Variants in DLG2 observed in about 807,000 individuals in gnomAD.
The protein encoded by DLG2 is discs large MAGUK scaffold protein 2, also known as disks large homolog 2.
DLG2 carries 45 observed loss-of-function variants against 132.5 expected under a neutral mutation model. That is an observed-to-expected ratio of 0.34 (90% CI 0.27 to 0.44). The LOEUF (loss-of-function observed/expected upper bound fraction) is 0.44, where lower values mean the gene tolerates loss of function less well. Ranked by LOEUF, DLG2 falls within the 20% of genes least tolerant of loss-of-function variation. The pLI is 1.00. For synonymous variants in DLG2, 424 were observed against 419.6 expected (o/e 1.01, Z -0.13); for missense variants, 1,045 against 1,196.9 (o/e 0.87, Z 1.87).
At chr11:84,598,999 C>T (rs551875872) in intron 6 of DLG2, among the ~76,000 whole-genome samples, 1 of 152,110 alleles carries the variant, frequency 6.6e-6, no homozygotes, top group African/African-American at 2.4e-5. Flanking sequence ...AATTGCAGCA[C>T]TTTGGGAGGC....
intron 3 of DLG2, among the ~76,000 whole-genome samples, chr11:85,450,292 CA>C (rs762705154): frequency 3.3e-5 from 5 of 152,276 alleles, no homozygotes; most frequent in Non-Finnish European, 7.4e-5. Context: ...GACAGGGAGA[CA>C]TTTTTTTTCA....
At chr11:84,002,342 T>C (rs1296436964) in intron 11 of DLG2, among the ~76,000 whole-genome samples, 1 of 152,186 alleles carries the variant, frequency 6.6e-6, no homozygotes, top group Non-Finnish European at 1.5e-5. Flanking sequence ...CTCAACTAGG[T>C]AGTACCCCAG....
intron 8 of DLG2, among the ~76,000 whole-genome samples, chr11:84,195,789 C>T (rs570802836): frequency 2.0e-5 from 3 of 152,198 alleles, no homozygotes; most frequent in African/African-American, 4.8e-5. Context: ...TTATGATGCC[C>T]TCCACTTTTC....
At chr11:85,514,176 G>C (rs924177943) in intron 3 of DLG2, among the ~76,000 whole-genome samples, 2 of 151,946 alleles carry the variant, frequency 1.3e-5, no homozygotes, top group Non-Finnish European at 2.9e-5. Context: ...CACTGTGCCA[G>C]ATGCATTATA....
chr11:85,087,844 C>CAAAAAAAAA (rs71465019), intron 6 of DLG2, among the ~76,000 whole-genome samples: 12 of 22,050 alleles, frequency 5.4e-4, no homozygotes, highest in African/African-American at 1.2e-3. Context: ...GACTCCGTCT[C>CAAAAAAAAA]AAAAAAAAAA....
At chr11:84,758,633 A>G (rs1233192675) in intron 6 of DLG2, among the ~76,000 whole-genome samples, 1 of 152,184 alleles carries the variant, frequency 6.6e-6, no homozygotes, top group South Asian at 2.1e-4. Context: ...ATTTTAAATC[A>G]TACCATAAAT....
chr11:83,712,627 C>T (rs2085713537), intron 18 of DLG2, among the ~76,000 whole-genome samples: 1 of 151,762 alleles, frequency 6.6e-6, no homozygotes, highest in Non-Finnish European at 1.5e-5. Context: ...ATAAATCCAT[C>T]TCAAAAAAAA....
Position 85,598,763 on chromosome 11 carries a change from C to A in DLG2, c.-67G>T. On this transcript the variant is annotated 5_prime_UTR_variant, in exon 3 of 28. Transcript: ENST00000376104. ...TCCTTAATTTTTTGCAGTATTCTTCCAGTAATGATAAAGCTCGGTCAGTAT... is the reference window on the plus strand; with the variant it reads ...TCCTTAATTTTTTGCAGTATTCTTCAAGTAATGATAAAGCTCGGTCAGTAT... 7.5e-7 allele frequency: 1 copy of A among 1,337,820 alleles called. No individual in the cohort carries two copies. Among genetic ancestry groups the A allele is most frequent in the East Asian group, 2.6e-5 (1 of 38,968 alleles). The allele number at this position is 1,337,820 out of a possible 1,614,324, so 82.9% of individuals were successfully genotyped here.
chr11:85,254,067 T>C (rs1024216175), intron 4 of DLG2, among the ~76,000 whole-genome samples: 2 of 152,316 alleles, frequency 1.3e-5, no homozygotes, highest in Admixed American at 6.5e-5. Flanking sequence ...AAAACAGGGA[T>C]GTAAATTCTC....
intron 19 of DLG2, among the ~76,000 whole-genome samples, chr11:83,626,855 G>A (rs2062624206): frequency 6.6e-6 from 1 of 152,120 alleles, no homozygotes; most frequent in Non-Finnish European, 1.5e-5. Flanking sequence ...AAATGCTGAT[G>A]AGTTGACAGA....
At chr11:84,921,625 A>G (rs968896942) in intron 6 of DLG2, among the ~76,000 whole-genome samples, 2 of 152,206 alleles carry the variant, frequency 1.3e-5, no homozygotes, top group African/African-American at 4.8e-5. Flanking sequence ...AAATATAACA[A>G]TGAAATAGCA....
At chr11:85,089,310 G>C (rs538672728) in intron 6 of DLG2, among the ~76,000 whole-genome samples, 1 of 152,140 alleles carries the variant, frequency 6.6e-6, no homozygotes, top group Non-Finnish European at 1.5e-5. Context: ...GTAGACCCTA[G>C]TATTTATTGT....
intron 3 of DLG2, among the ~76,000 whole-genome samples, chr11:85,298,851 A>T (rs1236701388): frequency 6.6e-6 from 1 of 152,152 alleles, no homozygotes; most frequent in African/African-American, 2.4e-5. Flanking sequence ...AAATGGAACA[A>T]GTTGGTCACT....
intron 7 of DLG2, among the ~76,000 whole-genome samples, chr11:84,453,542 T>C (rs2099057323): frequency 6.6e-6 from 1 of 151,630 alleles, no homozygotes; most frequent in Non-Finnish European, 1.5e-5. Context: ...CAACAAGTAT[T>C]TCAGGTTTAT....
chr11:84,825,950 A>T (rs1212673078), intron 6 of DLG2, among the ~76,000 whole-genome samples: 2 of 151,870 alleles, frequency 1.3e-5, no homozygotes, highest in Admixed American at 1.3e-4. Context: ...CCTCCAAACC[A>T]GAAAAACATT....
chr11:85,029,675 A>G (rs1428071854), intron 6 of DLG2, among the ~76,000 whole-genome samples: 1 of 152,072 alleles, frequency 6.6e-6, no homozygotes, highest in African/African-American at 2.4e-5. Flanking sequence ...CAGCCCAAAG[A>G]TTTTTCTGTA....
intron 9 of DLG2, among the ~76,000 whole-genome samples, chr11:84,146,686 T>TAAGCTAAAGG (rs1448185058): frequency 4.6e-5 from 7 of 152,150 alleles, no homozygotes; most frequent in African/African-American, 1.4e-4. Flanking sequence ...ATAGCTAAAG[T>TAAGCTAAAGG]ACAACTTCAA....
At chr11:85,339,946 C>T (rs2082373503) in intron 3 of DLG2, among the ~76,000 whole-genome samples, 1 of 152,226 alleles carries the variant, frequency 6.6e-6, no homozygotes, top group Non-Finnish European at 1.5e-5. Flanking sequence ...GAGATACCAT[C>T]TCACGCCAGT....
At chr11:84,265,352 A>G (rs2097606338) in intron 7 of DLG2, among the ~76,000 whole-genome samples, 1 of 152,226 alleles carries the variant, frequency 6.6e-6, no homozygotes, top group African/African-American at 2.4e-5. Context: ...ACAATGCTAA[A>G]AAGTTATATA....
Sources: gnomAD v4.1 joint callset for allele counts (sites outside exome capture counted in the v4.1 genomes callset) on GRCh38, gnomAD v4.1.1 for gene constraint, MANE v1.5 for transcripts, NCBI Gene and HGNC (gene_info 2026-07-23, HGNC 2026-07-21) for gene names.